Variants in RIGI observed in about 807,000 individuals in gnomAD.
RIGI encodes antiviral innate immune response receptor RIG-I.
chr9:32,498,353 G>A, the RIGI span: 74 of 456,644 alleles, frequency 1.6e-4, no homozygotes, highest in African/African-American at 1.4e-3. Flanking sequence ...TCCTCCTGTA[G>A]CTTACTGAAT....
chr9:32,498,289 C>T, the RIGI span: 1 of 456,508 alleles, frequency 2.2e-6, no homozygotes, highest in African/African-American at 2.0e-5. Flanking sequence ...AACATGGGTC[C>T]CATAGAAAGG....
At chr9:32,487,843 T>C in the RIGI span, 3 of 1,416,706 alleles carry the variant, frequency 2.1e-6, no homozygotes, top group Non-Finnish European at 2.9e-6. Flanking sequence ...AATATGGACT[T>C]GGGACCTGAG....
chr9:32,488,395 T>C, the RIGI span, among the ~76,000 whole-genome samples: 1 of 152,196 alleles, frequency 6.6e-6, no homozygotes, highest in Non-Finnish European at 1.5e-5. Context: ...TTGTAATTTA[T>C]AGTACTATAT....
the RIGI span, chr9:32,493,827 G>C: frequency 6.2e-7 from 1 of 1,610,932 alleles, no homozygotes; most frequent in East Asian, 2.2e-5. Flanking sequence ...TATCGGTTGG[G>C]ATAATTCTGG....
chr9:32,522,434 G>A, the RIGI span, among the ~76,000 whole-genome samples: 1 of 152,106 alleles, frequency 6.6e-6, no homozygotes, highest in African/African-American at 2.4e-5. Context: ...TTTTATAAGG[G>A]GACACAGTTG....
chr9:32,485,666 A>G, the RIGI span: 28 of 375,618 alleles, frequency 7.5e-5, no homozygotes, highest in Non-Finnish European at 1.3e-4. Context: ...TCAGCCTCCC[A>G]AGTAGCTGGG....
chr9:32,495,533 G>A, the RIGI span, among the ~76,000 whole-genome samples: 1 of 151,502 alleles, frequency 6.6e-6, no homozygotes, highest in African/African-American at 2.4e-5. Context: ...CATTGTAATG[G>A]GGGTGAGGTG....
the RIGI span, chr9:32,493,907 C>G: frequency 6.2e-7 from 1 of 1,607,332 alleles, no homozygotes; most frequent in Admixed American, 1.7e-5. Flanking sequence ...TTTTTGAAAT[C>G]CCAACTTTCA....
At chr9:32,466,690 CAAA>C in the RIGI span, among the ~76,000 whole-genome samples, 2 of 68,604 alleles carry the variant, frequency 2.9e-5, no homozygotes, top group Non-Finnish European at 5.1e-5. Flanking sequence ...AGACCTATCT[CAAA>C]AAAAAAAAAA....
chr9:32,524,133 A>C, the RIGI span, among the ~76,000 whole-genome samples: 1 of 152,228 alleles, frequency 6.6e-6, no homozygotes, highest in East Asian at 1.9e-4. Context: ...GCACTGCTGC[A>C]CTTTATTATT....
At chr9:32,498,217 C>A in the RIGI span, 1 of 453,492 alleles carries the variant, frequency 2.2e-6, no homozygotes, top group Non-Finnish European at 4.4e-6. Flanking sequence ...CTCTGCTTCA[C>A]CTTCTGACAT....
At chr9:32,457,483 TAAAA>T in the RIGI span, 1 of 815,578 alleles carries the variant, frequency 1.2e-6, no homozygotes, top group Non-Finnish European at 1.6e-6. Flanking sequence ...AATTGTGATT[TAAAA>T]AAAAAAAAAA....
At chr9:32,488,583 A>G in the RIGI span, 1 of 807,624 alleles carries the variant, frequency 1.2e-6, no homozygotes, top group Admixed American at 3.7e-5. Flanking sequence ...TCTAACAAAA[A>G]AGACTTGAAT....
At chr9:32,475,994 C>G in the RIGI span, among the ~76,000 whole-genome samples, 1 of 151,974 alleles carries the variant, frequency 6.6e-6, no homozygotes, top group Admixed American at 6.6e-5. Context: ...CCAATCTTTT[C>G]AAAAGATTGG....
chr9:32,488,096 T>C, the RIGI span: 169 of 1,614,020 alleles, frequency 1.0e-4, no homozygotes, highest in Non-Finnish European at 1.1e-4. Context: ...CTTTTTAAGG[T>C]TGTTCACAAG....
At chr9:32,511,337 T>C in the RIGI span, among the ~76,000 whole-genome samples, 4 of 152,042 alleles carry the variant, frequency 2.6e-5, no homozygotes, top group African/African-American at 9.7e-5. Context: ...TAATAGGAAA[T>C]AAAACACTCC....
the RIGI span, among the ~76,000 whole-genome samples, chr9:32,470,726 TA>T: frequency 2.6e-5 from 4 of 152,242 alleles, no homozygotes; most frequent in Admixed American, 6.5e-5. Context: ...TATACAAATT[TA>T]GCAAACTGAA....
At chr9:32,515,623 T>G in the RIGI span, among the ~76,000 whole-genome samples, 144 of 152,342 alleles carry the variant, frequency 9.5e-4, no homozygotes, top group African/African-American at 3.4e-3. Flanking sequence ...TCAAAAGAAC[T>G]GCCTACATTT....
chr9:32,489,725 G>C, the RIGI span, among the ~76,000 whole-genome samples: 1 of 150,882 alleles, frequency 6.6e-6, no homozygotes, highest in Non-Finnish European at 1.5e-5. Flanking sequence ...ACCAAAGAAA[G>C]AATGGCCCCA....
Sources: gnomAD v4.1 joint callset for allele counts (sites outside exome capture counted in the v4.1 genomes callset) on GRCh38, gnomAD v4.1.1 for gene constraint, MANE v1.5 for transcripts, NCBI Gene and HGNC (gene_info 2026-07-23, HGNC 2026-07-21) for gene names.